ST6GALNAC3: variants seen among roughly 807,000 people sequenced by gnomAD.
ST6GALNAC3 encodes ST6 N-acetylgalactosaminide alpha-2,6-sialyltransferase 3, also known as alpha-N-acetylgalactosaminide alpha-2,6-sialyltransferase 3.
In ST6GALNAC3, 25 loss-of-function variants were observed where a neutral mutation model predicts 32.7. The ratio of observed to expected loss-of-function variants is 0.76; its 90% confidence interval spans 0.56 to 1.07. ST6GALNAC3 has a LOEUF of 1.07. Among genes scored for constraint, ST6GALNAC3 ranks in the 50% least tolerant of loss-of-function variants. The pLI is 0.00. For synonymous variants in ST6GALNAC3, 129 were observed against 133.1 expected, an observed-to-expected ratio of 0.97 and a Z score of 0.21; for missense variants, 355 against 382.4, an observed-to-expected ratio of 0.93 and a Z score of 0.60.
intron 1 of ST6GALNAC3, among the ~76,000 whole-genome samples, chr1:76,112,738 C>T (rs886956365): frequency 1.0e-4 from 15 of 149,696 alleles, no homozygotes; most frequent in African/African-American, 3.4e-4. Flanking sequence ...ACATCCCAGA[C>T]GGGGCGGCAG....
chr1:76,123,260 T>G (rs1570070217), intron 1 of ST6GALNAC3, among the ~76,000 whole-genome samples: 1 of 151,734 alleles, frequency 6.6e-6, no homozygotes, highest in East Asian at 1.9e-4. Context: ...TAATCCCATC[T>G]ACCAGCTACT....
At chr1:76,161,841 TTC>T (rs373626941) in intron 1 of ST6GALNAC3, among the ~76,000 whole-genome samples, 100 of 152,354 alleles carry the variant, frequency 6.6e-4, no homozygotes, top group African/African-American at 2.3e-3. Context: ...GTCTGTGTAT[TTC>T]TACTGGGCTT....
At chr1:76,519,867 T>A (rs1662403942) in intron 3 of ST6GALNAC3, among the ~76,000 whole-genome samples, 1 of 150,858 alleles carries the variant, frequency 6.6e-6, no homozygotes. Flanking sequence ...TTTATGAAAA[T>A]TTTAAAAAGT....
At chr1:76,533,771 G>A (rs146177368) in intron 3 of ST6GALNAC3, among the ~76,000 whole-genome samples, 1 of 152,252 alleles carries the variant, frequency 6.6e-6, no homozygotes, top group African/African-American at 2.4e-5. Flanking sequence ...ATAGCAGATG[G>A]TTGACATAAT....
chr1:76,317,502 A>G (rs1057008100), intron 2 of ST6GALNAC3, among the ~76,000 whole-genome samples: 1 of 152,156 alleles, frequency 6.6e-6, no homozygotes, highest in African/African-American at 2.4e-5. Context: ...GAGAAGGTCA[A>G]TAGGCTTAGC....
At chr1:76,143,603 G>A (rs926655339) in intron 1 of ST6GALNAC3, among the ~76,000 whole-genome samples, 4 of 152,102 alleles carry the variant, frequency 2.6e-5, no homozygotes, top group Non-Finnish European at 5.9e-5. Context: ...TGTTGTTGTT[G>A]TTTTTCTTGC....
At chr1:76,291,822 G>A (rs544952848) in intron 1 of ST6GALNAC3, among the ~76,000 whole-genome samples, 1 of 152,326 alleles carries the variant, frequency 6.6e-6, no homozygotes, top group East Asian at 1.9e-4. Context: ...CTGCTGATTA[G>A]TGATGTGCAA....
chr1:76,539,775 T>C (rs988173824), intron 3 of ST6GALNAC3, among the ~76,000 whole-genome samples: 1 of 152,128 alleles, frequency 6.6e-6, no homozygotes, highest in Non-Finnish European at 1.5e-5. Context: ...TCAATGATCA[T>C]CAGAGAAATG....
intron 1 of ST6GALNAC3, among the ~76,000 whole-genome samples, chr1:76,274,628 C>G (rs1052463122): frequency 6.6e-6 from 1 of 152,178 alleles, no homozygotes; most frequent in African/African-American, 2.4e-5. Context: ...AGAGTCTAAA[C>G]TTATTAAATT....
chr1:76,434,343 G>C (rs997717091), intron 3 of ST6GALNAC3, among the ~76,000 whole-genome samples: 1 of 152,182 alleles, frequency 6.6e-6, no homozygotes, highest in Non-Finnish European at 1.5e-5. Flanking sequence ...ACTATAAACT[G>C]TCATGTTTTA....
chr1:76,517,101 A>C (rs6699746), intron 3 of ST6GALNAC3, among the ~76,000 whole-genome samples: 5 of 151,858 alleles, frequency 3.3e-5, no homozygotes, highest in African/African-American at 1.2e-4. Context: ...GTTCCATATA[A>C]ACCAACAAAT....
intron 2 of ST6GALNAC3, among the ~76,000 whole-genome samples, chr1:76,323,436 A>G (rs897015003): frequency 6.6e-6 from 1 of 152,160 alleles, no homozygotes. Context: ...TATTGATTCT[A>G]TGCTAGTGTC....
chr1:76,135,819 C>T (rs978095698), intron 1 of ST6GALNAC3, among the ~76,000 whole-genome samples: 13 of 152,192 alleles, frequency 8.5e-5, no homozygotes, highest in African/African-American at 3.1e-4. Context: ...ACCCATGCGG[C>T]TCTCCTATAC....
chr1:76,572,091 A>C (rs994325807), intron 3 of ST6GALNAC3, among the ~76,000 whole-genome samples: 1 of 151,762 alleles, frequency 6.6e-6, no homozygotes, highest in African/African-American at 2.4e-5. Context: ...CAAAAACATC[A>C]TTCAGAATTG....
At chr1:76,286,496 T>C (rs1537782) in intron 1 of ST6GALNAC3, among the ~76,000 whole-genome samples, 34,741 of 152,138 alleles carry the variant, frequency 0.23, 4,250 homozygotes, top group East Asian at 0.51. Flanking sequence ...CTCCTATAAA[T>C]GCTAGAGAGT....
chr1:76,451,588 T>C (rs771494292), intron 3 of ST6GALNAC3, among the ~76,000 whole-genome samples: 29 of 152,188 alleles, frequency 1.9e-4, no homozygotes, highest in Admixed American at 7.9e-4. Flanking sequence ...CACCTATAAT[T>C]TTTTTCAGCA....
intron 1 of ST6GALNAC3, among the ~76,000 whole-genome samples, chr1:76,261,353 T>A (rs1212237750): frequency 2.6e-5 from 4 of 152,352 alleles, no homozygotes; most frequent in African/African-American, 9.6e-5. Flanking sequence ...TGTTGTCAGT[T>A]AAGTAAATTG....
At chr1:76,143,308 C>A (rs1029216527) in intron 1 of ST6GALNAC3, among the ~76,000 whole-genome samples, 3 of 151,876 alleles carry the variant, frequency 2.0e-5, no homozygotes, top group African/African-American at 7.3e-5. Flanking sequence ...TTTGGCAGTC[C>A]TATTAGCAAA....
At chr1:76,485,190 TG>T (rs1660027341) in intron 3 of ST6GALNAC3, among the ~76,000 whole-genome samples, 1 of 152,176 alleles carries the variant, frequency 6.6e-6, no homozygotes, top group Admixed American at 6.5e-5. Context: ...TCTCTTTTTT[TG>T]TTGTGTGTCT....
Sources: allele counts gnomAD v4.1 joint callset (sites outside exome capture counted in the v4.1 genomes callset), GRCh38; gene constraint gnomAD v4.1.1; transcripts MANE v1.5; gene names NCBI Gene and HGNC (gene_info 2026-07-23, HGNC 2026-07-21).